The following EYA3 variants were observed in gnomAD, a reference collection of about 807,000 sequenced individuals.
EYA3 encodes EYA transcriptional coactivator and phosphatase 3, also known as protein phosphatase EYA3.
EYA3 carries 39 observed loss-of-function variants against 80.0 expected under a neutral mutation model. The ratio of observed to expected loss-of-function variants is 0.49; its 90% CI spans 0.38 to 0.64. The LOEUF (loss-of-function observed/expected upper bound fraction) is 0.64, where lower values mean the gene tolerates loss of function less well. EYA3 is among the 30% of genes least tolerant of loss of function. EYA3 has a pLI of 0.00. For synonymous variants in EYA3, 206 were observed against 232.8 expected, an observed-to-expected ratio of 0.88 and a Z score of 1.05; for missense variants, 523 against 676.1, an observed-to-expected ratio of 0.77 and a Z score of 2.51.
At chr1:28,061,749 G>A (rs1644636403) in intron 1 of EYA3, among the ~76,000 whole-genome samples, 1 of 152,184 alleles carries the variant, frequency 6.6e-6, no homozygotes, top group Admixed American at 6.5e-5. Context: ...ACAGGCGCCC[G>A]CCACCACGCC....
intron 10 of EYA3, among the ~76,000 whole-genome samples, chr1:28,007,102 G>A (rs577557040): frequency 7.3e-5 from 11 of 151,404 alleles, no homozygotes; most frequent in Admixed American, 6.6e-5. Flanking sequence ...CACCAGGTCC[G>A]GCTAATTTTT....
At chr1:28,037,839 A>G (rs576188380) in intron 5 of EYA3, among the ~76,000 whole-genome samples, 8 of 152,214 alleles carry the variant, frequency 5.3e-5, no homozygotes, top group Non-Finnish European at 1.2e-4. Context: ...ACAGCCCCAT[A>G]AAGTATCTCT....
intron 12 of EYA3, 84 bp downstream of exon 12, chr1:27,999,876 T>A: frequency 5.9e-6 from 6 of 1,011,206 alleles, no homozygotes. Flanking sequence ...TAAACACATA[T>A]CTTCTAATAT....
At chr1:27,998,966 A>G (rs1640641710) in intron 12 of EYA3, among the ~76,000 whole-genome samples, 1 of 151,858 alleles carries the variant, frequency 6.6e-6, no homozygotes, top group Non-Finnish European at 1.5e-5. Flanking sequence ...ACGGGGTTTC[A>G]CCATGGTGCT....
At chr1:27,977,068 C>T in intron 17 of EYA3, 1 of 985,268 alleles carries the variant, frequency 1.0e-6, no homozygotes, top group Non-Finnish European at 1.2e-6. Context: ...CTCAGAGTTA[C>T]CAACTCTGCT....
chr1:28,064,895 T>C (rs1644774359), intron 1 of EYA3, among the ~76,000 whole-genome samples: 1 of 152,200 alleles, frequency 6.6e-6, no homozygotes, highest in Non-Finnish European at 1.5e-5. Flanking sequence ...GATTCAGAGA[T>C]TTAAACAATT....
chr1:28,025,684 G>A (rs1450879135), intron 7 of EYA3, among the ~76,000 whole-genome samples: 1 of 152,170 alleles, frequency 6.6e-6, no homozygotes, highest in Non-Finnish European at 1.5e-5. Context: ...AGGAAAAAAT[G>A]TTCTAACAGA....
intron 6 of EYA3, among the ~76,000 whole-genome samples, chr1:28,034,451 A>G (rs1643333904): frequency 6.6e-6 from 1 of 152,224 alleles, no homozygotes; most frequent in Admixed American, 6.5e-5. Context: ...TATCATAAAT[A>G]TAAGATCTGA....
At chr1:28,068,699 T>C (rs1260346489) in intron 1 of EYA3, among the ~76,000 whole-genome samples, 1 of 152,148 alleles carries the variant, frequency 6.6e-6, no homozygotes, top group Non-Finnish European at 1.5e-5. Context: ...CTGTACAGGC[T>C]AGCAAAAAAA....
At chr1:27,981,476 C>T (rs1003424856) in intron 16 of EYA3, among the ~76,000 whole-genome samples, 1 of 152,114 alleles carries the variant, frequency 6.6e-6, no homozygotes, top group African/African-American at 2.4e-5. Context: ...ATAAAGCAAC[C>T]GGCAGCAGGA....
chr1:28,021,137 C>T (rs536527319), intron 7 of EYA3, among the ~76,000 whole-genome samples: 1 of 152,330 alleles, frequency 6.6e-6, no homozygotes, highest in East Asian at 1.9e-4. Flanking sequence ...ACCCACCTCT[C>T]TAATTTTAGA....
At chr1:28,006,454 C>A (rs540793617) in intron 10 of EYA3, among the ~76,000 whole-genome samples, 8 of 152,152 alleles carry the variant, frequency 5.3e-5, no homozygotes, top group Non-Finnish European at 7.4e-5. Flanking sequence ...CGCCTGCAAT[C>A]CCAGCACTTT....
chr1:28,050,262 G>A (rs1245233884), intron 2 of EYA3, among the ~76,000 whole-genome samples: 2 of 149,272 alleles, frequency 1.3e-5, no homozygotes, highest in Non-Finnish European at 3.0e-5. Flanking sequence ...GCGTAATCTC[G>A]GCTCACTGAA....
intron 2 of EYA3, among the ~76,000 whole-genome samples, chr1:28,049,513 A>G (rs1167673434): frequency 6.6e-6 from 1 of 152,234 alleles, no homozygotes; most frequent in East Asian, 1.9e-4. Flanking sequence ...TAAGCATGAC[A>G]TTAAATCCAA....
At chr1:28,066,339 A>T (rs904819626) in intron 1 of EYA3, among the ~76,000 whole-genome samples, 1 of 152,192 alleles carries the variant, frequency 6.6e-6, no homozygotes, top group Non-Finnish European at 1.5e-5. Context: ...TACCTTACTT[A>T]AAAATGGTTA....
chr1:28,084,155 T>C (rs926758573), intron 1 of EYA3, among the ~76,000 whole-genome samples: 1 of 152,136 alleles, frequency 6.6e-6, no homozygotes, highest in Non-Finnish European at 1.5e-5. Flanking sequence ...CAAAATACTA[T>C]TGCATACTTA....
intron 1 of EYA3, among the ~76,000 whole-genome samples, chr1:28,073,127 A>ATATATTTTTTT (rs1553157671): frequency 6.7e-5 from 1 of 15,002 alleles, no homozygotes. Context: ...ATATATATAT[A>ATATATTTTTTT]TTTTTTTTTT....
intron 1 of EYA3, among the ~76,000 whole-genome samples, chr1:28,079,754 C>T (rs1485246338): frequency 1.3e-5 from 2 of 151,896 alleles, no homozygotes; most frequent in Admixed American, 6.6e-5. Context: ...AATCCATCCA[C>T]GTACATTGCA....
chr1:28,047,101 G>T (rs575206432), intron 3 of EYA3, among the ~76,000 whole-genome samples: 1 of 151,274 alleles, frequency 6.6e-6, no homozygotes, highest in East Asian at 1.9e-4. Context: ...TGCCCACCTG[G>T]ACCTCCAAAA....
Sources: gnomAD v4.1 joint callset for allele counts (sites outside exome capture counted in the v4.1 genomes callset) on GRCh38, gnomAD v4.1.1 for gene constraint, MANE v1.5 for transcripts, NCBI Gene and HGNC (gene_info 2026-07-23, HGNC 2026-07-21) for gene names.